Variants in GNAO1 observed in about 807,000 individuals in gnomAD.
GNAO1 encodes G protein subunit alpha o1.
For synonymous variants in GNAO1, 164 were observed against 180.7 expected (o/e 0.91, Z 0.74); for missense variants, 166 against 478.7 (o/e 0.35, Z 6.10).
chr16:56,239,238 G>C (rs999039957), intron 2 of GNAO1, among the ~76,000 whole-genome samples: 1 of 152,206 alleles, frequency 6.6e-6, no homozygotes, highest in African/African-American at 2.4e-5. Flanking sequence ...TCATTGCCAA[G>C]GTAGAGCCTA....
intron 4 of GNAO1, among the ~76,000 whole-genome samples, chr16:56,333,623 A>G (rs1482153782): frequency 6.6e-6 from 1 of 152,186 alleles, no homozygotes; most frequent in African/African-American, 2.4e-5. Context: ...ACTGGGTTCT[A>G]TCAGTGAACA....
At chr16:56,330,518 G>A (rs2037678261) in intron 4 of GNAO1, among the ~76,000 whole-genome samples, 1 of 152,048 alleles carries the variant, frequency 6.6e-6, no homozygotes, top group Non-Finnish European at 1.5e-5. Context: ...TGTAAAATGA[G>A]AAGTAATCTT....
intron 2 of GNAO1, among the ~76,000 whole-genome samples, chr16:56,219,967 A>T (rs2036469048): frequency 2.0e-5 from 3 of 152,196 alleles, no homozygotes; most frequent in African/African-American, 7.2e-5. Flanking sequence ...AGCAGAGGAA[A>T]ATTAGGAATC....
intron 6 of GNAO1, chr16:56,340,428 AC>A (rs2037789893): frequency 6.0e-6 from 1 of 165,596 alleles, no homozygotes; most frequent in African/African-American, 2.4e-5. Context: ...ACCGAATGAG[AC>A]CCTGGTAGAG....
chr16:56,311,954 C>A lies in GNAO1; in HGVS notation c.304-16677C>A, dbSNP rs1364341423. ...CATCAACACGGTAATGCCGGTTCCC[C>A]TGGGTGGGCACCAGCCAAGCCCTCT... On this transcript the variant is annotated intron_variant, in intron 3 of 8. Transcript: ENST00000262493. The surrounding 1 kb of genome is among the most constrained non-coding windows in gnomAD (Gnocchi z 5.2). Among the ~76,000 whole-genome samples, 2 of 152,238 alleles carry A rather than the reference C, an allele frequency of 1.3e-5. No homozygotes were observed. Among genetic ancestry groups the A allele is most frequent in the Non-Finnish European group, 2.9e-5 (2 of 68,044 alleles).
At chr16:56,237,952 GAT>G (rs1294828978) in intron 2 of GNAO1, among the ~76,000 whole-genome samples, 4 of 152,190 alleles carry the variant, frequency 2.6e-5, no homozygotes, top group Non-Finnish European at 5.9e-5. Context: ...AACCAGCTAT[GAT>G]ATAAACTTCG....
At chr16:56,316,531 C>CA (rs1212466378) in intron 3 of GNAO1, among the ~76,000 whole-genome samples, 1 of 152,204 alleles carries the variant, frequency 6.6e-6, no homozygotes, top group Non-Finnish European at 1.5e-5. Context: ...CTGGTGCCTC[C>CA]AGGACCCACT....
chr16:56,347,268 C>A (rs1311211728), intron 6 of GNAO1: 2 of 985,300 alleles, frequency 2.0e-6, no homozygotes, highest in Non-Finnish European at 1.2e-6. Context: ...GGAACCCAGA[C>A]CTGAGGCTCC....
chr16:56,323,673 A>AC (rs1567483472), intron 3 of GNAO1, among the ~76,000 whole-genome samples: 1 of 151,156 alleles, frequency 6.6e-6, no homozygotes, highest in Non-Finnish European at 1.5e-5. Flanking sequence ...AAAAAAAAAA[A>AC]ATCCAGCCTT....
chr16:56,262,078 G>A (rs2036908530), intron 2 of GNAO1, among the ~76,000 whole-genome samples: 1 of 152,208 alleles, frequency 6.6e-6, no homozygotes, highest in South Asian at 2.1e-4. Flanking sequence ...CTAGAAGTGG[G>A]GAGAATCCTC....
intron 3 of GNAO1, among the ~76,000 whole-genome samples, chr16:56,290,834 A>G (rs1296339538): frequency 1.3e-5 from 2 of 151,952 alleles, no homozygotes; most frequent in African/African-American, 4.8e-5. Flanking sequence ...GCAACCACTA[A>G]TCTGCTCTCT....
chr16:56,297,379 C>A (rs1306488843), intron 3 of GNAO1, among the ~76,000 whole-genome samples: 2 of 152,074 alleles, frequency 1.3e-5, no homozygotes, highest in African/African-American at 4.8e-5. Flanking sequence ...AGGCCAACCA[C>A]CTTGCCCAGC....
intron 3 of GNAO1, among the ~76,000 whole-genome samples, chr16:56,306,213 G>T (rs556034399): frequency 2.6e-5 from 4 of 152,202 alleles, no homozygotes; most frequent in Non-Finnish European, 5.9e-5. Context: ...CTTTCTTACC[G>T]AAGGTCAGTC....
rs1239634393 is a variant in GNAO1, at chr16:56,347,959, C to A, written c.724-3425C>A. 5 of 972,180 alleles carry A rather than the reference C, an allele frequency of 5.1e-6. No individual in the cohort carries two copies. In the African/African-American group the frequency reaches 8.8e-5, roughly 17 times the overall value. 60.2% of individuals were successfully genotyped at this position (972,180 alleles called of 1,614,324 possible). On this transcript the variant is annotated intron_variant, in intron 6 of 8. Coordinates refer to ENST00000262493, the MANE Select transcript of GNAO1 (RefSeq NM_020988.3). ...TATCTTCTTCCTCCCCACGCACCCC[C>A]CTCCCCCATCTAGGCGAGGTGGGCT...
intron 3 of GNAO1, among the ~76,000 whole-genome samples, chr16:56,323,285 AT>A (rs1221870880): frequency 6.6e-6 from 1 of 152,224 alleles, no homozygotes; most frequent in Non-Finnish European, 1.5e-5. Flanking sequence ...TATACCCATT[AT>A]GATTAAGTTT....
At chr16:56,192,477 A>AG (rs1169447897) in intron 1 of GNAO1, 97 bp from the exon 2 acceptor site, 2 of 710,408 alleles carry the variant, frequency 2.8e-6, no homozygotes, top group Admixed American at 4.1e-5. Flanking sequence ...CCATGTGCCC[A>AG]GGATCGCCCA....
intron 2 of GNAO1, chr16:56,235,390 T>C (rs2036628349): frequency 8.8e-6 from 4 of 455,960 alleles, no homozygotes; most frequent in South Asian, 1.5e-5. Flanking sequence ...AGGAGGTAGG[T>C]AGAGCTAGCA....
chr16:56,297,128 G>T (rs1383012475), intron 3 of GNAO1, among the ~76,000 whole-genome samples: 1 of 152,174 alleles, frequency 6.6e-6, no homozygotes, highest in Non-Finnish European at 1.5e-5. Context: ...TAGGACACGG[G>T]ATTCCCTGTA....
intron 3 of GNAO1, among the ~76,000 whole-genome samples, chr16:56,303,213 T>C (rs1483326462): frequency 6.6e-6 from 1 of 152,136 alleles, no homozygotes; most frequent in Non-Finnish European, 1.5e-5. Context: ...CTGTGCCCTG[T>C]CCCATGCTGG....
Sources: allele counts gnomAD v4.1 joint callset (sites outside exome capture counted in the v4.1 genomes callset), GRCh38; gene constraint gnomAD v4.1.1; non-coding constraint Gnocchi (gnomAD v3.1); transcripts MANE v1.5; gene names NCBI Gene and HGNC (gene_info 2026-07-23, HGNC 2026-07-21).